The following STAG1 variants were observed in gnomAD, a reference collection of about 807,000 sequenced individuals.
STAG1 encodes the protein cohesin subunit SA-1.
STAG1 carries 26 observed loss-of-function variants against 170.9 expected under a neutral mutation model. That is an observed-to-expected ratio of 0.15 (90% CI 0.11 to 0.21). The LOEUF is 0.21. Ranked by LOEUF, STAG1 falls within the 10% of genes least tolerant of loss-of-function variation. The pLI is 1.00. For missense variants in STAG1, 964 were observed against 1,509.5 expected (o/e 0.64, Z 5.99); for synonymous variants, 514 against 497.7 (o/e 1.03, Z -0.44).
chr3:136,556,127 T>G (rs1398452915), intron 5 of STAG1, among the ~76,000 whole-genome samples: 3 of 152,152 alleles, frequency 2.0e-5, no homozygotes, highest in Non-Finnish European at 4.4e-5. Flanking sequence ...AAAAATAAAC[T>G]CTATTTTTAA....
At chr3:136,611,885 T>C (rs942863206) in intron 3 of STAG1, among the ~76,000 whole-genome samples, 3 of 151,536 alleles carry the variant, frequency 2.0e-5, no homozygotes, top group East Asian at 1.9e-4. Context: ...TCTCGCTCTG[T>C]CGCCCAGGCT....
At chr3:136,425,088 C>T (rs1257028477) in intron 16 of STAG1, among the ~76,000 whole-genome samples, 1 of 151,764 alleles carries the variant, frequency 6.6e-6, no homozygotes, top group African/African-American at 2.4e-5. Flanking sequence ...TCTGCCCGCC[C>T]CGGCCTCCCA....
Position 136,337,956 on chromosome 3 carries a change from AAAAATTT to A in STAG1, c.*291_*297del. ...CAGTGTTTATCTTGACAGCTGTTTT[AAAAATTT>A]AAAATTTCTTCCTCCCTCCAGAAAA... On this transcript the variant is annotated 3_prime_UTR_variant, in exon 34 of 34. Transcript: ENST00000383202. 3.4e-6 allele frequency: 1 copy of A among 297,526 alleles called. No individual in the cohort carries two copies. Among genetic ancestry groups the A allele is most frequent in the Non-Finnish European group, 6.2e-6 (1 of 161,890 alleles). The allele number at this position is 297,526 out of a possible 1,614,324, so 18.4% of individuals were successfully genotyped here. A position where few individuals can be genotyped will look rare whatever the true frequency, so the allele number is the denominator to read the frequency against.
chr3:136,621,870 C>A (rs1939865362), intron 3 of STAG1, among the ~76,000 whole-genome samples: 2 of 151,758 alleles, frequency 1.3e-5, no homozygotes, highest in African/African-American at 4.8e-5. Flanking sequence ...TGTGTCATGA[C>A]TCTAACCACC....
intron 4 of STAG1, among the ~76,000 whole-genome samples, chr3:136,569,913 G>C (rs1184223813): frequency 2.0e-5 from 3 of 152,064 alleles, no homozygotes; most frequent in Non-Finnish European, 4.4e-5. Flanking sequence ...TATCAATAAA[G>C]TCTGAGAGTC....
rs931602841 is a variant in STAG1, at chr3:136,746,248, C to A, written c.-84+5947G>T. Among the ~76,000 whole-genome samples the A allele has an allele frequency of 2.0e-5, 3 of 152,140 alleles. No individual in the cohort carries two copies. In the South Asian group the frequency reaches 6.2e-4, roughly 31 times the overall value. On this transcript the variant is annotated intron_variant, in intron 1 of 33. Transcript: ENST00000383202. ...AATTCTAAAGATTTATATTTTTATT[C>A]AGTCAACAAAAATTTACCAAGCCCC...
intron 1 of STAG1, chr3:136,736,820 C>G (rs559265128): frequency 1.9e-6 from 3 of 1,583,502 alleles, no homozygotes; most frequent in East Asian, 4.5e-5. Context: ...TGTAGGTTTT[C>G]CTTCCTTCTT....
chr3:136,536,672 G>T (rs1425469961), intron 6 of STAG1, among the ~76,000 whole-genome samples: 1 of 140,516 alleles, frequency 7.1e-6, no homozygotes, highest in Non-Finnish European at 1.5e-5. Flanking sequence ...CTGCACTCCA[G>T]CCTGGGGGTG....
At chr3:136,663,595 A>T (rs1320366470) in intron 1 of STAG1, among the ~76,000 whole-genome samples, 3 of 152,226 alleles carry the variant, frequency 2.0e-5, no homozygotes, top group Non-Finnish European at 4.4e-5. Context: ...TCATGTAGAT[A>T]TAGCAAAAAT....
At chr3:136,470,869 A>T (rs567492449) in intron 12 of STAG1, among the ~76,000 whole-genome samples, 1 of 152,154 alleles carries the variant, frequency 6.6e-6, no homozygotes, top group African/African-American at 2.4e-5. Flanking sequence ...CATTCTCAGG[A>T]AACTATCACA....
intron 20 of STAG1, among the ~76,000 whole-genome samples, chr3:136,418,360 CAAAAAAAAAAAAAAAAA>C (rs767401141): frequency 7.4e-4 from 37 of 49,752 alleles, no homozygotes; most frequent in African/African-American, 1.9e-3. Flanking sequence ...ACTCTGTCTC[CAAAAAAAAAAAAAAAAA>C]AAAAAAAAAA....
intron 24 of STAG1, 82 bp from the exon 25 acceptor site, chr3:136,367,164 TTA>T (rs1261035755): frequency 8.7e-7 from 1 of 1,148,886 alleles, no homozygotes; most frequent in Non-Finnish European, 1.2e-6. Context: ...TAATTGAAAA[TTA>T]GCTTAATATT....
At chr3:136,534,169 C>G (rs926577405) in intron 6 of STAG1, among the ~76,000 whole-genome samples, 5 of 152,110 alleles carry the variant, frequency 3.3e-5, no homozygotes, top group African/African-American at 1.2e-4. Flanking sequence ...GGACACCTCC[C>G]TTCACTAAAT....
intron 1 of STAG1, among the ~76,000 whole-genome samples, chr3:136,644,489 TCA>T (rs1219804632): frequency 6.6e-6 from 1 of 152,156 alleles, no homozygotes; most frequent in African/African-American, 2.4e-5. Context: ...ACTGACAAGC[TCA>T]CTCTCATCAA....
chr3:136,524,025 G>C (rs1326956473), intron 6 of STAG1, among the ~76,000 whole-genome samples: 1 of 152,168 alleles, frequency 6.6e-6, no homozygotes, highest in African/African-American at 2.4e-5. Flanking sequence ...AAGTCAGGTA[G>C]CATGATGCCT....
At chr3:136,616,492 AAAG>A (rs1487605046) in intron 3 of STAG1, among the ~76,000 whole-genome samples, 2 of 152,218 alleles carry the variant, frequency 1.3e-5, no homozygotes, top group African/African-American at 4.8e-5. Flanking sequence ...GACAGCTTAA[AAAG>A]AAGTCCAACT....
In STAG1 at chr3:136,588,956, T is replaced by C. The variant is rs867581004; in HGVS notation, c.297+15353A>G. ...TTTTGTATTTTTAGCAGAGAAGGGG[T>C]TTCACTATGTTGGCCATGCTAATCT... On this transcript the variant is annotated intron_variant, in intron 4 of 33. Coordinates refer to ENST00000383202, the MANE Select transcript of STAG1 (RefSeq NM_005862.3). 6.6e-5 allele frequency among the ~76,000 whole-genome samples: 10 copies of C among 152,122 alleles called. No individual in the cohort carries two copies. In the Middle Eastern group the frequency reaches 0.017, roughly 259 times the overall value.
chr3:136,533,007 T>C (rs1395481671), intron 6 of STAG1, among the ~76,000 whole-genome samples: 2 of 152,182 alleles, frequency 1.3e-5, no homozygotes, highest in East Asian at 3.8e-4. Context: ...TGATCTTTTA[T>C]TTAGAAGAAC....
At chr3:136,495,970 C>CAAAAAA (rs35882097) in intron 9 of STAG1, among the ~76,000 whole-genome samples, 2 of 64,134 alleles carry the variant, frequency 3.1e-5, no homozygotes, top group Non-Finnish European at 5.7e-5. Flanking sequence ...GACTCCGTCT[C>CAAAAAA]AAAAAAAAAA....
Sources: gnomAD v4.1 joint callset for allele counts (sites outside exome capture counted in the v4.1 genomes callset) on GRCh38, gnomAD v4.1.1 for gene constraint, MANE v1.5 for transcripts, NCBI Gene and HGNC (gene_info 2026-07-23, HGNC 2026-07-21) for gene names.